The following GAS2L3 variants were observed in gnomAD, a reference collection of about 807,000 sequenced individuals.
GAS2L3 encodes the protein growth arrest specific 2 like 3.
Under a neutral mutation model 37.0 loss-of-function variants are expected in GAS2L3, and 28 were observed. The ratio of observed to expected loss-of-function variants is 0.76; its 90% CI spans 0.56 to 1.04. The LOEUF (loss-of-function observed/expected upper bound fraction) is 1.04. Among genes scored for constraint, GAS2L3 ranks in the 50% least tolerant of loss-of-function variants. GAS2L3 has a pLI of 0.00. For missense variants in GAS2L3, 793 were observed against 817.6 expected (o/e 0.97, Z 0.37); for synonymous variants, 290 against 296.6 (o/e 0.98, Z 0.23).
intron 6 of GAS2L3, chr12:100,612,397 G>A (rs1337495470): frequency 8.2e-6 from 3 of 364,196 alleles, no homozygotes; most frequent in Admixed American, 9.8e-5. Flanking sequence ...CTACAGGAAG[G>A]TTCTGGACTA....
At position 100,626,683 on chromosome 12, in the gene GAS2L3, G is replaced by A. The variant is rs1340646743; in HGVS notation, c.*1793G>A. 3 of 152,166 alleles carry A rather than the reference G, an allele frequency of 2.0e-5. No homozygotes were observed. Among genetic ancestry groups the A allele is most frequent in the Non-Finnish European group, 4.4e-5 (3 of 68,026 alleles). The allele number at this position is 152,166 out of a possible 1,614,324, so 9.4% of individuals were successfully genotyped here. On this transcript the variant is annotated 3_prime_UTR_variant, in exon 10 of 10. Coordinates refer to ENST00000547754, the MANE Select transcript of GAS2L3 (RefSeq NM_174942.3). ...GTAAATGGAATTGTAGGCAATTTAT[G>A]AATCCTAGTAGATTTTACAATATGT... is the stretch of plus-strand genomic sequence containing the variant.
At chr12:100,611,978 A>G in intron 5 of GAS2L3, 22 bp from the exon 6 acceptor site, 3 of 1,531,458 alleles carry the variant, frequency 2.0e-6, no homozygotes, top group Non-Finnish European at 2.7e-6. Context: ...CATTTTTGAA[A>G]TTATTCTTTT....
At chr12:100,587,824 G>A (rs558900226) in intron 1 of GAS2L3, among the ~76,000 whole-genome samples, 8 of 152,218 alleles carry the variant, frequency 5.3e-5, no homozygotes, top group Admixed American at 3.9e-4. Context: ...AGGCTGAGGC[G>A]GGTGGATCAC....
intron 6 of GAS2L3, 48 bp downstream of exon 6, chr12:100,612,189 T>C: frequency 6.7e-7 from 1 of 1,502,138 alleles, no homozygotes; most frequent in Non-Finnish European, 9.2e-7. Context: ...ACTAGGATGT[T>C]TTAATATCCT....
chr12:100,619,526 A>G (rs1257141784), intron 8 of GAS2L3, among the ~76,000 whole-genome samples: 1 of 152,116 alleles, frequency 6.6e-6, no homozygotes, highest in Non-Finnish European at 1.5e-5. Flanking sequence ...ATAAAAGTCT[A>G]TAGTAAAACT....
intron 1 of GAS2L3, chr12:100,579,368 G>A (rs551449572): frequency 1.4e-5 from 11 of 769,832 alleles, no homozygotes; most frequent in South Asian, 1.0e-4. Flanking sequence ...CATTCCTAAC[G>A]CTGTAGATCC....
rs189505698 is a variant in GAS2L3, at chr12:100,605,952, G to T, written c.303+4199G>T. 4.2e-3 allele frequency among the ~76,000 whole-genome samples: 643 copies of T among 151,664 alleles called. 1 individual carries two copies. The highest frequency in any genetic ancestry group is 7.0e-3 in the Non-Finnish European group (471 of 67,702). On this transcript the variant is annotated intron_variant, in intron 5 of 9. Transcript: ENST00000547754. ...TGCTTGAGAATGATCCATCTGCTGA[G>T]GAGAATAAAGCAGCTGCTGAATGAG...
At chr12:100,619,742 A>G (rs907210357) in intron 8 of GAS2L3, among the ~76,000 whole-genome samples, 1 of 152,180 alleles carries the variant, frequency 6.6e-6, no homozygotes, top group East Asian at 1.9e-4. Context: ...ATGATAAATG[A>G]AAAGGAAACA....
At chr12:100,596,089 CTCTACTAAATACAGT>C (rs570874330) in intron 3 of GAS2L3, among the ~76,000 whole-genome samples, 1 of 152,152 alleles carries the variant, frequency 6.6e-6, no homozygotes, top group East Asian at 1.9e-4. Context: ...TAGTCTCCTA[CTCTACTAAATACAGT>C]TCCATCATAC....
At chr12:100,597,835 A>C (rs977166322) in intron 3 of GAS2L3, among the ~76,000 whole-genome samples, 2 of 152,080 alleles carry the variant, frequency 1.3e-5, no homozygotes, top group Non-Finnish European at 2.9e-5. Flanking sequence ...GTATAGTAAG[A>C]CTTGCCTCAA....
At position 100,623,751 on chromosome 12, in the gene GAS2L3, G is replaced by A; in HGVS notation, c.946G>A (p.Glu316Lys). ...DSPARTPQPPEMNPLSAVNMF... is the reference protein window; with the variant it reads ...DSPARTPQPPKMNPLSAVNMF... Reference sequence around the variant, plus strand: ...GCCTGCCAGAACACCTCAGCCTCCTGAAATGAATCCTTTGTCAGCAGTTAA... The same window carrying A: ...GCCTGCCAGAACACCTCAGCCTCCTAAAATGAATCCTTTGTCAGCAGTTAA... The change falls in exon 10 of 10, where the codon GAA becomes AAA. Residue 316 changes from glutamate to lysine, a missense_variant. Glu to Lys is a moderately conservative substitution (Grantham distance 56). Transcript: ENST00000547754. The A allele has an allele frequency of 6.2e-7, 1 of 1,614,000 alleles. No homozygotes were observed. Among genetic ancestry groups the A allele is most frequent in the South Asian group, 1.1e-5 (1 of 91,072 alleles).
intron 1 of GAS2L3, among the ~76,000 whole-genome samples, chr12:100,588,841 G>C (rs1488568165): frequency 2.6e-5 from 4 of 152,148 alleles, no homozygotes; most frequent in Non-Finnish European, 4.4e-5. Flanking sequence ...TCCATTTATA[G>C]GCTCTCTGCA....
At chr12:100,620,142 A>G (rs770614258) in intron 8 of GAS2L3, among the ~76,000 whole-genome samples, 6 of 152,024 alleles carry the variant, frequency 3.9e-5, no homozygotes, top group Non-Finnish European at 7.4e-5. Flanking sequence ...GCATAAATGA[A>G]AGTGTTTATT....
intron 1 of GAS2L3, among the ~76,000 whole-genome samples, chr12:100,584,925 G>T (rs1955760499): frequency 9.3e-6 from 1 of 107,798 alleles, no homozygotes. Flanking sequence ...GTCTTGCTCT[G>T]TTGCCTAGGC....
chr12:100,607,409 G>C (rs879277829), intron 5 of GAS2L3, among the ~76,000 whole-genome samples: 44 of 151,962 alleles, frequency 2.9e-4, no homozygotes, highest in African/African-American at 1.0e-3. Flanking sequence ...GTGTTCTTTG[G>C]GTTAAATCTG....
chr12:100,601,880 C>A, intron 5 of GAS2L3, 127 bp downstream of exon 5: 1 of 460,916 alleles, frequency 2.2e-6, no homozygotes, highest in Non-Finnish European at 4.0e-6. Flanking sequence ...ATTTACTTAA[C>A]CCTTTTCAAG....
chr12:100,590,591 C>G (rs999203690), intron 1 of GAS2L3, among the ~76,000 whole-genome samples: 5 of 152,132 alleles, frequency 3.3e-5, no homozygotes, highest in Admixed American at 3.3e-4. Flanking sequence ...GAAAAGAAGT[C>G]ATTCGAAAAA....
In GAS2L3 at chr12:100,624,424, C is replaced by T. The variant is rs779280285; in HGVS notation, c.1619C>T (p.Ser540Phe). Residue 540 changes from serine to phenylalanine, a missense_variant, in exon 10 of 10, where the codon TCC becomes TTC. Transcript: ENST00000547754. ...GGTCTAGGAACACAGTCTCAACCATCCGATGGAGCCCCACAAGCAAAGCCA... is the reference window on the plus strand; with the variant it reads ...GGTCTAGGAACACAGTCTCAACCATTCGATGGAGCCCCACAAGCAAAGCCA... ...ATGLGTQSQP[S>F]DGAPQAKPVP... 6.2e-7 allele frequency: 1 copy of T among 1,614,014 alleles called. No homozygotes were observed. Among genetic ancestry groups the T allele is most frequent in the Non-Finnish European group, 8.5e-7 (1 of 1,180,018 alleles).
Position 100,627,293 on chromosome 12 carries a change from A to C in GAS2L3, c.*2403A>C, listed in dbSNP as rs1436394875. Among the ~76,000 whole-genome samples the C allele has an allele frequency of 6.6e-6, 1 of 150,968 alleles. No homozygotes were observed. Among genetic ancestry groups the C allele is most frequent in the Non-Finnish European group, 1.5e-5 (1 of 67,812 alleles). On this transcript the variant is annotated 3_prime_UTR_variant, in exon 10 of 10. Transcript: ENST00000547754. ...TTTGTTTTGTTTTTTTCCTTTTTTG[A>C]GACGGAGTTTCACTCTTGTTGCCCA...
Sources: allele counts gnomAD v4.1 joint callset (sites outside exome capture counted in the v4.1 genomes callset), GRCh38; gene constraint gnomAD v4.1.1; transcripts MANE v1.5; gene names NCBI Gene and HGNC (gene_info 2026-07-23, HGNC 2026-07-21).